EYS: variants seen among roughly 807,000 people sequenced by gnomAD.
EYS encodes the protein EGF-like photoreceptor maintenance factor, also known as protein eyes shut homolog.
EYS carries 250 observed loss-of-function variants against 282.1 expected under a neutral mutation model. The ratio of observed to expected loss-of-function variants is 0.89; its 90% confidence interval spans 0.80 to 0.98. EYS has a LOEUF of 0.98. Among genes scored for constraint, EYS ranks in the 50% least tolerant of loss-of-function variants. The pLI, the probability that EYS is intolerant of heterozygous loss-of-function variation, is 0.00. For missense variants in EYS, 4,016 were observed against 3,709.0 expected (o/e 1.08, Z -2.15); for synonymous variants, 1,355 against 1,282.9 (o/e 1.06, Z -1.20).
chr6:64,381,270 C>G (rs988212183), intron 29 of EYS, among the ~76,000 whole-genome samples: 2 of 152,126 alleles, frequency 1.3e-5, no homozygotes, highest in Admixed American at 6.6e-5. Flanking sequence ...GCCTTAAAAA[C>G]TACTCTTTGA....
chr6:64,609,609 C>A (rs556763223), intron 24 of EYS, among the ~76,000 whole-genome samples: 1 of 151,356 alleles, frequency 6.6e-6, no homozygotes, highest in African/African-American at 2.4e-5. Context: ...TTTGTACAGA[C>A]ATTGTGGCTC....
chr6:63,788,216 G>A lies in EYS; in HGVS notation c.7612C>T (p.Pro2538Ser). Reference protein sequence around the residue: ...DDHKNKSIIAPGRLVGLNVFS... With the variant: ...DDHKNKSIIASGRLVGLNVFS... ...ACATTGAGACCAACCAGTCTTCCTG[G>A]GGCGATAATGGATTTATTTTTATGA... is the stretch of plus-strand genomic sequence containing the variant. Residue 2538 changes from proline (P) to serine (S), a missense_variant, in exon 39 of 43, where the codon CCA (proline) becomes TCA (serine). Pro to Ser is a moderately conservative substitution (Grantham distance 74). Coordinates refer to ENST00000503581, the MANE Select transcript of EYS (RefSeq NM_001142800.2). 6.5e-7 allele frequency: 1 copy of A among 1,539,926 alleles called. No individual in the cohort carries two copies. The highest frequency in any genetic ancestry group is 8.7e-7 in the Non-Finnish European group (1 of 1,143,702).
At chr6:65,075,390 A>T (rs1017781256) in intron 12 of EYS, among the ~76,000 whole-genome samples, 1 of 152,076 alleles carries the variant, frequency 6.6e-6, no homozygotes, top group Admixed American at 6.6e-5. Context: ...GGATGGAACT[A>T]CTATATAAAC....
At chr6:63,763,901 T>TATA (rs1562015039) in intron 40 of EYS, among the ~76,000 whole-genome samples, 1 of 143,470 alleles carries the variant, frequency 7.0e-6, no homozygotes, top group Non-Finnish European at 1.5e-5. Context: ...TATATATATA[T>TATA]TTGATAAACT....
intron 35 of EYS, among the ~76,000 whole-genome samples, chr6:63,966,724 C>G (rs748411431): frequency 2.0e-5 from 3 of 152,180 alleles, no homozygotes; most frequent in African/African-American, 7.2e-5. Flanking sequence ...ATGGAGATAA[C>G]CATAGCTTGA....
At chr6:65,651,845 C>T (rs897156190) in intron 1 of EYS, among the ~76,000 whole-genome samples, 4 of 151,908 alleles carry the variant, frequency 2.6e-5, no homozygotes, top group Non-Finnish European at 5.9e-5. Flanking sequence ...GCTATATTAG[C>T]AGTCATACTG....
chr6:64,347,042 C>G (rs554764016), intron 29 of EYS, among the ~76,000 whole-genome samples: 6 of 151,280 alleles, frequency 4.0e-5, no homozygotes, highest in Non-Finnish European at 8.9e-5. Flanking sequence ...TACTTCACAT[C>G]ACATTCTTGG....
intron 5 of EYS, among the ~76,000 whole-genome samples, chr6:65,447,424 G>A (rs892786395): frequency 1.4e-5 from 2 of 147,844 alleles, no homozygotes; most frequent in Non-Finnish European, 3.0e-5. Flanking sequence ...TTACTGTACT[G>A]AGTCATAAAT....
intron 22 of EYS, among the ~76,000 whole-genome samples, chr6:64,682,198 A>G (rs1411256749): frequency 6.6e-6 from 1 of 152,142 alleles, no homozygotes; most frequent in Non-Finnish European, 1.5e-5. Flanking sequence ...TCCTGTCTCT[A>G]CTAAAAATAC....
At chr6:64,538,104 T>A (rs1001427545) in intron 26 of EYS, among the ~76,000 whole-genome samples, 7 of 152,188 alleles carry the variant, frequency 4.6e-5, no homozygotes, top group Non-Finnish European at 1.5e-5. Flanking sequence ...GGCAGAAGAA[T>A]ATTATCCAGA....
chr6:64,220,810 T>C (rs1174211429), intron 31 of EYS, among the ~76,000 whole-genome samples: 1 of 152,172 alleles, frequency 6.6e-6, no homozygotes, highest in Non-Finnish European at 1.5e-5. Flanking sequence ...ATTAGATAGG[T>C]AGAATAGTTC....
At chr6:63,780,710 C>G (rs183277880) in intron 39 of EYS, among the ~76,000 whole-genome samples, 2 of 152,166 alleles carry the variant, frequency 1.3e-5, no homozygotes, top group Non-Finnish European at 2.9e-5. Flanking sequence ...CCTGTTCACT[C>G]TGATGGTAGT....
At chr6:64,435,163 C>T (rs767593145) in intron 28 of EYS, among the ~76,000 whole-genome samples, 6 of 151,274 alleles carry the variant, frequency 4.0e-5, no homozygotes, top group Non-Finnish European at 8.8e-5. Context: ...TGACACTAAG[C>T]ATTAAGAAAA....
chr6:63,808,138 C>G (rs1451021658), intron 36 of EYS, among the ~76,000 whole-genome samples: 2 of 152,140 alleles, frequency 1.3e-5, no homozygotes, highest in Non-Finnish European at 2.9e-5. Flanking sequence ...GCACTAGTCA[C>G]TCAAGGGATT....
At chr6:64,007,038 C>A (rs777751239) in intron 33 of EYS, among the ~76,000 whole-genome samples, 4 of 152,042 alleles carry the variant, frequency 2.6e-5, no homozygotes, top group Non-Finnish European at 5.9e-5. Flanking sequence ...AGTCCCTCAT[C>A]CTCAACTTTT....
intron 12 of EYS, among the ~76,000 whole-genome samples, chr6:65,290,088 G>T (rs1768481460): frequency 6.6e-6 from 1 of 150,876 alleles, no homozygotes; most frequent in Admixed American, 6.6e-5. Flanking sequence ...TAGAATACAG[G>T]CAAAGCAATA....
chr6:65,465,808 TC>T (rs1764978532), intron 5 of EYS, among the ~76,000 whole-genome samples: 2 of 151,762 alleles, frequency 1.3e-5, no homozygotes, highest in South Asian at 4.2e-4. Context: ...ATCATGACAC[TC>T]CAACTCTACA....
Position 65,566,291 on chromosome 6 carries a change from A to T in EYS, c.-332-70298T>A, listed in dbSNP as rs191877398. On this transcript the variant is annotated intron_variant, in intron 2 of 42. Coordinates refer to ENST00000503581, the MANE Select transcript of EYS (RefSeq NM_001142800.2). ...GAGCATGCCTGTAACTTCAACCACC[A>T]AGTGGCGCACTCAGCTCCTCCAGTA... Among the ~76,000 whole-genome samples, 703 of 152,176 alleles carry T rather than the reference A, an allele frequency of 4.6e-3. 6 individuals carry two copies. Among genetic ancestry groups the T allele is most frequent in the African/African-American group, 0.016 (647 of 41,522 alleles).
At chr6:64,244,671 C>A (rs1766949977) in intron 30 of EYS, among the ~76,000 whole-genome samples, 1 of 152,142 alleles carries the variant, frequency 6.6e-6, no homozygotes, top group African/African-American at 2.4e-5. Context: ...GCTCCTTTTG[C>A]AACACCTTTT....
Sources: allele counts gnomAD v4.1 joint callset (sites outside exome capture counted in the v4.1 genomes callset), GRCh38; gene constraint gnomAD v4.1.1; transcripts MANE v1.5; gene names NCBI Gene and HGNC (gene_info 2026-07-23, HGNC 2026-07-21).